Variants in RAP1GAP2 observed in about 807,000 individuals in gnomAD.
RAP1GAP2 encodes the protein rap1 GTPase-activating protein 2.
In RAP1GAP2, 27 loss-of-function variants were observed where a neutral mutation model predicts 95.0. The ratio of observed to expected loss-of-function variants is 0.28; its 90% CI spans 0.21 to 0.39. RAP1GAP2 has a LOEUF of 0.39. Ranked by LOEUF, RAP1GAP2 falls within the 10% of genes least tolerant of loss-of-function variation. RAP1GAP2 has a pLI of 1.00. For synonymous variants in RAP1GAP2, 373 were observed against 380.9 expected (o/e 0.98, Z 0.24); for missense variants, 771 against 970.0 (o/e 0.79, Z 2.72).
chr17:3,005,206 A>AC lies in RAP1GAP2; in HGVS notation c.1201-162dup. 1 of 736,324 alleles carries AC rather than the reference A, an allele frequency of 1.4e-6. No homozygotes were observed. The highest frequency in any genetic ancestry group is 1.5e-5 in the South Asian group (1 of 64,686). The allele number at this position is 736,324 out of a possible 1,614,324, so 45.6% of individuals were successfully genotyped here. On this transcript the variant is annotated intron_variant, in intron 14 of 24. Transcript: ENST00000254695. The surrounding 1 kb of genome is among the most constrained non-coding windows in gnomAD (Gnocchi z 5.2). The stretch of plus-strand genomic sequence containing the variant: ...ACACCGTCCGGCCCCACTTCTAGGA[A>AC]CAGGGTCAGGGCCTGTGCTGGCGAT...
In RAP1GAP2 at chr17:2,770,351, C is replaced by T. The variant is rs1014966911; in HGVS notation, c.73C>T (p.Arg25Ter). The change falls in exon 2 of 26, where the codon CGA becomes TGA. Residue 25 changes from arginine (R) to a stop codon, truncating the protein, a stop_gained. Coordinates refer to the RAP1GAP2 transcript ENST00000637138. LOFTEE classifies it high-confidence loss of function. ...CAGGTACGTGCAGGAAGGGCGGTTC[C>T]GAATCGAGGAGAGGACGCTGACAGC... 4.8e-5 allele frequency: 19 copies of T among 398,514 alleles called. No homozygotes were observed. Among genetic ancestry groups the T allele is most frequent in the East Asian group, 7.1e-5 (2 of 28,076 alleles). The allele number at this position is 398,514 out of a possible 1,614,324, so 24.7% of individuals were successfully genotyped here. A position where few individuals can be genotyped will look rare whatever the true frequency, so the allele number is the denominator to read the frequency against.
At chr17:2,801,009 C>T (rs1353882113) in intron 2 of RAP1GAP2, among the ~76,000 whole-genome samples, 2 of 151,426 alleles carry the variant, frequency 1.3e-5, no homozygotes, top group Non-Finnish European at 2.9e-5. Flanking sequence ...ACCACCACAC[C>T]TGGCTAATTT....
intron 4 of RAP1GAP2, among the ~76,000 whole-genome samples, chr17:2,960,831 C>T (rs958859391): frequency 6.6e-6 from 1 of 152,220 alleles, no homozygotes; most frequent in African/African-American, 2.4e-5. Context: ...TGTACCGTCT[C>T]ATACTGTCAC....
chr17:2,889,325 C>T (rs2073609030), intron 2 of RAP1GAP2, among the ~76,000 whole-genome samples: 1 of 152,186 alleles, frequency 6.6e-6, no homozygotes, highest in Non-Finnish European at 1.5e-5. Flanking sequence ...ATGAGCTCCC[C>T]ATGTGTTACA....
chr17:2,808,724 G>T (rs1029858818), intron 2 of RAP1GAP2, among the ~76,000 whole-genome samples: 48 of 152,326 alleles, frequency 3.2e-4, no homozygotes, highest in African/African-American at 1.1e-3. Context: ...GCCCATTTCT[G>T]TCTTGAGTGG....
intron 3 of RAP1GAP2, among the ~76,000 whole-genome samples, chr17:2,942,510 T>C (rs1237626809): frequency 6.6e-6 from 1 of 152,168 alleles, no homozygotes; most frequent in Non-Finnish European, 1.5e-5. Flanking sequence ...TTCTGGCTTA[T>C]TTTGAAAACT....
chr17:3,030,962 C>T lies in RAP1GAP2; in HGVS notation c.2148C>T (p.Phe716=), dbSNP rs760242620. The change falls in exon 23 of 25, where the codon TTC becomes TTT. Residue 716 remains phenylalanine (F), a synonymous_variant. Transcript: ENST00000254695. ...SRNSPRSNLK[F]RFDKLSHASS... ...ACTCCCCGAGATCGAACCTGAAATTCCGCTTTGACAAGCTCAGCCATGCCA... is the reference window on the plus strand; with the variant it reads ...ACTCCCCGAGATCGAACCTGAAATTTCGCTTTGACAAGCTCAGCCATGCCA... 6.2e-7 allele frequency: 1 copy of T among 1,610,302 alleles called. No homozygotes were observed. Among genetic ancestry groups the T allele is most frequent in the Non-Finnish European group, 8.5e-7 (1 of 1,178,390 alleles).
chr17:2,908,257 AGCCG>A (rs2042265521), intron 3 of RAP1GAP2, among the ~76,000 whole-genome samples: 2 of 152,186 alleles, frequency 1.3e-5, no homozygotes, highest in Admixed American at 1.3e-4. Flanking sequence ...CAGCTGGTGA[AGCCG>A]GAGTTAGTGT....
intron 3 of RAP1GAP2, among the ~76,000 whole-genome samples, chr17:2,920,003 C>CTT (rs1218062080): frequency 1.5e-5 from 2 of 134,048 alleles, no homozygotes; most frequent in African/African-American, 3.3e-5. Flanking sequence ...ATCTGGCCTC[C>CTT]TTTTTTCTTT....
chr17:2,980,334 G>A lies in RAP1GAP2; in HGVS notation c.644G>A (p.Ser215Asn). 2 of 1,613,926 alleles carry A rather than the reference G, an allele frequency of 1.2e-6. No individual in the cohort carries two copies. The highest frequency in any genetic ancestry group is 1.7e-6 in the Non-Finnish European group (2 of 1,179,862). ...GAGCGGATCCCCTTGGCTGGACTGA[G>A]CAAGCTTCCCAGTGTCCCTCAGATT... The part of the protein sequence containing the change: ...VHERIPLAGL[S>N]KLPSVPQIAK... Residue 215 changes from serine (S) to asparagine (N), a missense_variant, in exon 9 of 25, where the codon AGC (serine) becomes AAC (asparagine). Coordinates refer to ENST00000254695, the MANE Select transcript of RAP1GAP2 (RefSeq NM_015085.5).
At chr17:2,910,739 T>G (rs905918831) in intron 3 of RAP1GAP2, among the ~76,000 whole-genome samples, 1 of 152,198 alleles carries the variant, frequency 6.6e-6, no homozygotes, top group Non-Finnish European at 1.5e-5. Flanking sequence ...TTATATTTAT[T>G]TTTTGAGACG....
At chr17:2,929,024 AG>A (rs756463621) in intron 3 of RAP1GAP2, among the ~76,000 whole-genome samples, 1 of 152,168 alleles carries the variant, frequency 6.6e-6, no homozygotes, top group Non-Finnish European at 1.5e-5. Context: ...GTTTGAAGCC[AG>A]GAGTTCAAGA....
chr17:2,766,331 A>G (rs2068275940), intron 1 of RAP1GAP2, among the ~76,000 whole-genome samples: 1 of 152,028 alleles, frequency 6.6e-6, no homozygotes, highest in African/African-American at 2.4e-5. Context: ...TTTGGGAGGG[A>G]GAGAGGTCTT....
At chr17:3,012,746 G>T (rs1161602843) in intron 17 of RAP1GAP2, among the ~76,000 whole-genome samples, 1 of 152,096 alleles carries the variant, frequency 6.6e-6, no homozygotes, top group Non-Finnish European at 1.5e-5. Context: ...GGGGTTGGGG[G>T]TCTGTGAGCA....
At chr17:3,001,256 CCA>C (rs1193277801) in intron 14 of RAP1GAP2, among the ~76,000 whole-genome samples, 16 of 37,988 alleles carry the variant, frequency 4.2e-4, no homozygotes, top group South Asian at 8.4e-4. Context: ...GAGTGCAGGT[CCA>C]AGCTCCAGGC....
intron 8 of RAP1GAP2, chr17:2,966,029 T>G (rs2044581732): frequency 1.4e-5 from 3 of 214,668 alleles, no homozygotes; most frequent in Admixed American, 1.0e-4. Context: ...CTGCCTGTGG[T>G]ATACATCTTG....
chr17:2,943,012 G>A (rs1054167772), intron 3 of RAP1GAP2, among the ~76,000 whole-genome samples: 3 of 151,914 alleles, frequency 2.0e-5, no homozygotes, highest in Admixed American at 6.6e-5. Flanking sequence ...CAAGTGATCT[G>A]CCCGCCTTGG....
chr17:2,938,683 T>A (rs1450669561), intron 3 of RAP1GAP2, among the ~76,000 whole-genome samples: 1 of 152,098 alleles, frequency 6.6e-6, no homozygotes, highest in Non-Finnish European at 1.5e-5. Context: ...CAAAACACCT[T>A]GGATAAAAAA....
rs1476068545 is a variant in RAP1GAP2 at position 3,032,450 on chromosome 17, G to A, written c.*30+1G>A. 3 of 1,613,402 alleles carry A rather than the reference G, an allele frequency of 1.9e-6. No individual in the cohort carries two copies. Among genetic ancestry groups the A allele is most frequent in the African/African-American group, 1.3e-5 (1 of 74,932 alleles). On this transcript the variant is annotated splice_donor_variant, in intron 24 of 24. Transcript: ENST00000254695. LOFTEE classifies it low-confidence loss of function (3UTR_SPLICE). The stretch of plus-strand genomic sequence containing the variant: ...AAGTGGAGTCCTTCGCCTGTCCAAG[G>A]TGGGTTGAGTGAATGTCCTGCTGTG...
Sources: allele counts gnomAD v4.1 joint callset (sites outside exome capture counted in the v4.1 genomes callset), GRCh38; gene constraint gnomAD v4.1.1; non-coding constraint Gnocchi (gnomAD v3.1); transcripts MANE v1.5; gene names NCBI Gene and HGNC (gene_info 2026-07-23, HGNC 2026-07-21).